GADL1: variants seen among roughly 807,000 people sequenced by gnomAD.
GADL1 encodes GAD like acidic amino acid decarboxylase 1, also known as acidic amino acid decarboxylase GADL1.
In GADL1, 71 loss-of-function variants were observed where a neutral mutation model predicts 69.5. The observed-to-expected ratio is 1.02, with a 90% CI of 0.84 to 1.25. The LOEUF is 1.25. Among genes scored for constraint, GADL1 ranks in the 50% most tolerant of loss-of-function variants. GADL1 has a pLI of 0.00. For synonymous variants in GADL1, 254 were observed against 214.4 expected, an observed-to-expected ratio of 1.18 and a Z score of -1.62; for missense variants, 737 against 631.8, an observed-to-expected ratio of 1.17 and a Z score of -1.79.
At chr3:30,811,068 C>T (rs1192774986) in intron 11 of GADL1, among the ~76,000 whole-genome samples, 4 of 152,154 alleles carry the variant, frequency 2.6e-5, no homozygotes, top group African/African-American at 4.8e-5. Context: ...CAGAAACCCT[C>T]TTGGAAGATT....
intron 12 of GADL1, among the ~76,000 whole-genome samples, chr3:30,790,697 A>G (rs1696894926): frequency 6.6e-6 from 1 of 152,180 alleles, no homozygotes; most frequent in African/African-American, 2.4e-5. Context: ...GCTGGTCTAC[A>G]AAGAAAAAAG....
At chr3:30,890,059 C>T (rs1360236321) in intron 1 of GADL1, among the ~76,000 whole-genome samples, 1 of 152,094 alleles carries the variant, frequency 6.6e-6, no homozygotes, top group East Asian at 1.9e-4. Context: ...TTATTTTAGC[C>T]ATCCAGCTAT....
At position 30,859,687 on chromosome 3, in the gene GADL1, A is replaced by T. The variant is rs571538722; in HGVS notation, c.210+1906T>A. Among the ~76,000 whole-genome samples the T allele has an allele frequency of 2.6e-5, 4 of 152,102 alleles. No individual in the cohort carries two copies. The South Asian group carries it at 8.3e-4, about 32-fold the overall frequency. ...ATAATTCAGTTTTAAAAACTGGCTG[A>T]TGAAGAATTTTCTGCTAATGAAACT... On this transcript the variant is annotated intron_variant, in intron 2 of 14. Transcript: ENST00000282538.
intron 14 of GADL1, among the ~76,000 whole-genome samples, chr3:30,752,982 C>A (rs1243141035): frequency 6.6e-6 from 1 of 152,056 alleles, no homozygotes; most frequent in Non-Finnish European, 1.5e-5. Context: ...TCATTGTCAG[C>A]AGTATTTAAA....
chr3:30,776,352 GA>G (rs1220840890), intron 14 of GADL1, among the ~76,000 whole-genome samples: 2 of 152,148 alleles, frequency 1.3e-5, no homozygotes, highest in African/African-American at 4.8e-5. Context: ...CCATCATAGT[GA>G]AAAAATGTTC....
chr3:30,864,169 A>G (rs1286085493), intron 1 of GADL1, among the ~76,000 whole-genome samples: 3 of 152,064 alleles, frequency 2.0e-5, no homozygotes, highest in African/African-American at 4.8e-5. Flanking sequence ...CTAAAAATAG[A>G]GTAAGAAAGA....
Position 30,857,098 on chromosome 3 carries a change from T to A in GADL1, c.254A>T (p.Asp85Val), listed in dbSNP as rs1160080885. The change falls in exon 3 of 15, where the codon GAT (aspartate) becomes GTT (valine). Residue 85 changes from aspartate to valine, a missense_variant. Physicochemically the swap from Asp to Val is radical, Grantham distance 152. Coordinates refer to ENST00000282538, the MANE Select transcript of GADL1 (RefSeq NM_207359.3). The part of the protein sequence containing the change: ...RPPEQLKQLL[D>V]LEMRDSGEPP... ...CTCGCCTGAGTCTCTCATCTCCAAA[T>A]CAAGAAGCTGTTTCAGTTGTTCAGG... 2.3e-5 allele frequency: 36 copies of A among 1,550,096 alleles called. 1 individual carries two copies. The highest frequency in any genetic ancestry group is 2.5e-5 in the Non-Finnish European group (29 of 1,145,806).
intron 11 of GADL1, among the ~76,000 whole-genome samples, chr3:30,814,929 A>G (rs1465729687): frequency 1.3e-5 from 2 of 151,588 alleles, no homozygotes; most frequent in East Asian, 3.9e-4. Context: ...GTGCCACTGC[A>G]CTCCAGCCTG....
At chr3:30,827,325 G>A (rs1697697037) in intron 11 of GADL1, among the ~76,000 whole-genome samples, 1 of 151,766 alleles carries the variant, frequency 6.6e-6, no homozygotes, top group Non-Finnish European at 1.5e-5. Flanking sequence ...CCTGCATTAG[G>A]ACCAGTACAC....
chr3:30,768,156 A>C (rs1696328969), intron 14 of GADL1, among the ~76,000 whole-genome samples: 1 of 152,136 alleles, frequency 6.6e-6, no homozygotes, highest in Admixed American at 6.6e-5. Flanking sequence ...ATACAAAGCT[A>C]ATCAGGCTCA....
At chr3:30,801,380 C>A (rs1394609706) in intron 11 of GADL1, among the ~76,000 whole-genome samples, 3 of 152,012 alleles carry the variant, frequency 2.0e-5, no homozygotes. Context: ...ATCAAGGTGG[C>A]CCAGTTTTTC....
chr3:30,792,530 T>C (rs6779418), intron 12 of GADL1, among the ~76,000 whole-genome samples: 10,937 of 152,172 alleles, frequency 0.072, 707 homozygotes, highest in South Asian at 0.23. Context: ...TGAACCATAA[T>C]TGTACCACTG....
chr3:30,727,420 G>GTATA lies in GADL1; in HGVS notation c.*821_*822insTATA, dbSNP rs1190568727. On this transcript the variant is annotated 3_prime_UTR_variant, in exon 15 of 15. Transcript: ENST00000282538. ...TATATATATATATATATGTGTGTGT[G>GTATA]TGTATATATATATATATATATAATT... The GTATA allele has an allele frequency of 1.7e-4, 24 of 143,490 alleles. No individual in the cohort carries two copies. Among genetic ancestry groups the GTATA allele is most frequent in the African/African-American group, 6.0e-4 (23 of 38,392 alleles). 8.9% of individuals were successfully genotyped at this position (143,490 alleles called of 1,614,324 possible). A position where few individuals can be genotyped will look rare whatever the true frequency, so the allele number is the denominator to read the frequency against.
intron 1 of GADL1, among the ~76,000 whole-genome samples, chr3:30,890,712 T>C (rs139459565): frequency 1.3e-5 from 2 of 152,318 alleles, no homozygotes; most frequent in East Asian, 3.9e-4. Context: ...TCTTCATCAA[T>C]AGGTGAATAT....
intron 14 of GADL1, among the ~76,000 whole-genome samples, chr3:30,767,367 C>G (rs911384255): frequency 1.3e-5 from 2 of 152,032 alleles, no homozygotes; most frequent in East Asian, 3.8e-4. Flanking sequence ...GATTTGAGAA[C>G]CTATCGTAAA....
intron 14 of GADL1, among the ~76,000 whole-genome samples, chr3:30,761,276 G>A (rs996368042): frequency 5.0e-5 from 7 of 139,472 alleles, no homozygotes; most frequent in African/African-American, 1.6e-4. Flanking sequence ...GAAGAAGACA[G>A]CTAGAGCCTC....
chr3:30,861,784 ATTGTGT>A lies in GADL1; in HGVS notation c.38-25_38-20del. On this transcript the variant is annotated intron_variant, in intron 1 of 14. Transcript: ENST00000282538. ...ATATCTCCTGGAAGCAAGCAAACAA[ATTGTGT>A]TTGAGAGATAATCTAATTACACCAC... 1 of 1,522,922 alleles carries A rather than the reference ATTGTGT, an allele frequency of 6.6e-7. No homozygotes were observed. The highest frequency in any genetic ancestry group is 8.9e-7 in the Non-Finnish European group (1 of 1,127,084). The allele number at this position is 1,522,922 out of a possible 1,614,324, so 94.3% of individuals were successfully genotyped here.
intron 14 of GADL1, among the ~76,000 whole-genome samples, chr3:30,732,472 TC>T (rs1486539153): frequency 6.6e-6 from 1 of 152,198 alleles, no homozygotes; most frequent in East Asian, 1.9e-4. Context: ...AATTTGTCTC[TC>T]CCTACCCCTG....
chr3:30,844,149 GCGCGCGGGCGTGCGCGCACACA>G, intron 8 of GADL1, 39 bp downstream of exon 8: 1 of 1,300,482 alleles, frequency 7.7e-7, no homozygotes, highest in South Asian at 1.3e-5. Flanking sequence ...TCTTTCATAA[GCGCGCGGGCGTGCGCGCACACA>G]CACACGTTCT....
Sources: allele counts gnomAD v4.1 joint callset (sites outside exome capture counted in the v4.1 genomes callset), GRCh38; gene constraint gnomAD v4.1.1; transcripts MANE v1.5; gene names NCBI Gene and HGNC (gene_info 2026-07-23, HGNC 2026-07-21).